TMC2: variants seen among roughly 807,000 people sequenced by gnomAD.
TMC2 encodes the protein transmembrane channel like 2.
Under a neutral mutation model 105.9 loss-of-function variants are expected in TMC2, and 102 were observed. That is an observed-to-expected ratio of 0.96 (90% CI 0.82 to 1.14). The LOEUF is 1.14. Among genes scored for constraint, TMC2 ranks in the 50% most tolerant of loss-of-function variants. The pLI is 0.00. For synonymous variants in TMC2, 402 were observed against 422.8 expected, an observed-to-expected ratio of 0.95 and a Z score of 0.60; for missense variants, 1,093 against 1,134.3, an observed-to-expected ratio of 0.96 and a Z score of 0.52.
intron 19 of TMC2, among the ~76,000 whole-genome samples, chr20:2,639,729 TC>T (rs2086674944): frequency 6.6e-6 from 1 of 152,192 alleles, no homozygotes; most frequent in South Asian, 2.1e-4. Context: ...CAGGAAAGTA[TC>T]TTGGGGCTAT....
In TMC2 at chr20:2,555,296, G is replaced by T. The variant is rs539052431; in HGVS notation, c.83-3160G>T. On this transcript the variant is annotated intron_variant, in intron 2 of 19. Coordinates refer to ENST00000358864, the MANE Select transcript of TMC2 (RefSeq NM_080751.3). ...GGGTTTCACCATGTTGGCCACGCTGGTCTCGAACACCTGACCTCAGGTGAT... is the reference window on the plus strand; with the variant it reads ...GGGTTTCACCATGTTGGCCACGCTGTTCTCGAACACCTGACCTCAGGTGAT... Among the ~76,000 whole-genome samples the T allele has an allele frequency of 1.3e-3, 202 of 152,182 alleles. 3 individuals carry two copies. The highest frequency in any genetic ancestry group is 4.6e-3 in the African/African-American group (192 of 41,516).
chr20:2,571,212 CA>C (rs1465116220), intron 4 of TMC2, among the ~76,000 whole-genome samples: 2 of 152,142 alleles, frequency 1.3e-5, no homozygotes, highest in Non-Finnish European at 2.9e-5. Flanking sequence ...AGTAAACAGA[CA>C]ACCTACAGAA....
At chr20:2,606,956 A>G (rs1448078820) in intron 11 of TMC2, among the ~76,000 whole-genome samples, 1 of 33,556 alleles carries the variant, frequency 3.0e-5, no homozygotes, top group Non-Finnish European at 6.7e-5. Context: ...ATTTTTATTT[A>G]TATTGTTTTG....
intron 4 of TMC2, among the ~76,000 whole-genome samples, chr20:2,563,438 G>A (rs1473217353): frequency 6.6e-6 from 1 of 152,182 alleles, no homozygotes; most frequent in Non-Finnish European, 1.5e-5. Flanking sequence ...AATCTGCACT[G>A]TGTAACATAT....
intron 7 of TMC2, among the ~76,000 whole-genome samples, chr20:2,587,435 G>A (rs1443528168): frequency 2.0e-5 from 3 of 151,572 alleles, no homozygotes; most frequent in Non-Finnish European, 4.4e-5. Context: ...TAGAATTTTT[G>A]CATCTATTTT....
At chr20:2,636,825 A>G (rs959623015) in intron 18 of TMC2, among the ~76,000 whole-genome samples, 1 of 152,072 alleles carries the variant, frequency 6.6e-6, no homozygotes, top group African/African-American at 2.4e-5. Flanking sequence ...GTGAGCCAGG[A>G]TGGTCACCAT....
In TMC2 at chr20:2,558,809, GCGCGCTCCCGCTCCTT is replaced by G. The variant is rs1204217991; in HGVS notation, c.401+40_401+55del. ...GGCTCCGATTCTGGGCATTCGCTCC[GCGCGCTCCCGCTCCTT>G]CGCGGCCCTTCCCCTTCCCCCGTGA... On this transcript the variant is annotated intron_variant, in intron 3 of 19. Coordinates refer to ENST00000358864, the MANE Select transcript of TMC2 (RefSeq NM_080751.3). This position sits in a 1 kb window ranked among gnomAD's most constrained non-coding sequence, Gnocchi z 4.6. 6.7e-7 allele frequency: 1 copy of G among 1,494,744 alleles called. No individual in the cohort carries two copies. The highest frequency in any genetic ancestry group is 1.4e-5 in the African/African-American group (1 of 71,328). 92.6% of individuals were successfully genotyped at this position (1,494,744 alleles called of 1,614,324 possible).
Position 2,637,494 on chromosome 20 carries a change from T to C in TMC2, c.2406T>C (p.Ser802=), listed in dbSNP as rs6083915. 1,220,602 of 1,611,554 alleles carry C rather than the reference T, an allele frequency of 0.76. 463,689 individuals are homozygous for C. The highest frequency in any genetic ancestry group is 0.85 in the Admixed American group (51,195 of 59,960). The change falls in exon 19 of 20, where the codon AGT becomes AGC. Residue 802 remains serine, a synonymous_variant. Coordinates refer to ENST00000358864, the MANE Select transcript of TMC2 (RefSeq NM_080751.3). ...KIQVLREVEK[S]HKSVKGKATA... Reference sequence around the variant, plus strand: ...TGCAGCTCCGTGAAGTTGAGAAGAGTCACAAATCTGTAAAAGGCAAAGCCA... The same window carrying C: ...TGCAGCTCCGTGAAGTTGAGAAGAGCCACAAATCTGTAAAAGGCAAAGCCA...
intron 2 of TMC2, among the ~76,000 whole-genome samples, chr20:2,538,744 G>T (rs1011070397): frequency 2.6e-5 from 4 of 152,162 alleles, no homozygotes; most frequent in Non-Finnish European, 5.9e-5. Context: ...ACAGGAAATT[G>T]GTCAGAATTT....
chr20:2,627,805 T>C (rs1248210887), intron 17 of TMC2, among the ~76,000 whole-genome samples: 1 of 152,204 alleles, frequency 6.6e-6, no homozygotes, highest in Non-Finnish European at 1.5e-5. Context: ...CTTCATTTGA[T>C]TTTCCACAGA....
At chr20:2,575,841 A>G (rs1270080897) in intron 5 of TMC2, among the ~76,000 whole-genome samples, 1 of 151,968 alleles carries the variant, frequency 6.6e-6, no homozygotes, top group Non-Finnish European at 1.5e-5. Flanking sequence ...TGTCAATTAT[A>G]GTCTTTATTT....
chr20:2,607,058 G>C (rs17227316), intron 11 of TMC2, among the ~76,000 whole-genome samples: 1 of 151,006 alleles, frequency 6.6e-6, no homozygotes, highest in Non-Finnish European at 1.5e-5. Flanking sequence ...TTTTTGGTGC[G>C]TTTTCATTAT....
At chr20:2,572,344 C>A in intron 5 of TMC2, 75 bp downstream of exon 5, 1 of 1,181,102 alleles carries the variant, frequency 8.5e-7, no homozygotes. Context: ...ACTTCGGCAA[C>A]TGCCCAGCTT....
At chr20:2,560,752 G>A (rs1174022159) in intron 3 of TMC2, among the ~76,000 whole-genome samples, 2 of 151,974 alleles carry the variant, frequency 1.3e-5, no homozygotes, top group South Asian at 4.1e-4. Context: ...TGGGAGAATG[G>A]CGTGAACCCA....
chr20:2,638,609 C>T (rs2086666756), intron 19 of TMC2, among the ~76,000 whole-genome samples: 1 of 152,044 alleles, frequency 6.6e-6, no homozygotes, highest in African/African-American at 2.4e-5. Context: ...CCCCTGAAGA[C>T]CTTCCAGTGG....
At chr20:2,635,236 G>C (rs910273) in intron 17 of TMC2, among the ~76,000 whole-genome samples, 1 of 151,934 alleles carries the variant, frequency 6.6e-6, no homozygotes, top group Non-Finnish European at 1.5e-5. Context: ...GCCAATGGGG[G>C]CTGGACTCTA....
intron 5 of TMC2, among the ~76,000 whole-genome samples, chr20:2,574,686 T>C (rs1303620756): frequency 6.6e-6 from 1 of 152,188 alleles, no homozygotes; most frequent in Non-Finnish European, 1.5e-5. Context: ...GGTAGCCCCA[T>C]AAATTTGTAA....
chr20:2,546,760 G>A (rs1441488526), intron 2 of TMC2, among the ~76,000 whole-genome samples: 1 of 152,064 alleles, frequency 6.6e-6, no homozygotes, highest in Non-Finnish European at 1.5e-5. Context: ...AAGCTTTGGG[G>A]GCAAAACAAA....
At chr20:2,557,633 C>G (rs906553609) in intron 2 of TMC2, among the ~76,000 whole-genome samples, 1 of 152,174 alleles carries the variant, frequency 6.6e-6, no homozygotes, top group African/African-American at 2.4e-5. Context: ...CGGGTTCAAG[C>G]GATTCTCTTG....
Sources: gnomAD v4.1 joint callset for allele counts (sites outside exome capture counted in the v4.1 genomes callset) on GRCh38, gnomAD v4.1.1 for gene constraint, Gnocchi (gnomAD v3.1) non-coding constraint, MANE v1.5 for transcripts, NCBI Gene and HGNC (gene_info 2026-07-23, HGNC 2026-07-21) for gene names.